Variants in NUMB observed in about 807,000 individuals in gnomAD.
The protein encoded by NUMB is protein numb homolog.
In NUMB, 29 loss-of-function variants were observed where a neutral mutation model predicts 59.7. The ratio of observed to expected loss-of-function variants is 0.49; its 90% confidence interval spans 0.36 to 0.66. The LOEUF (loss-of-function observed/expected upper bound fraction) is 0.66. Ranked by LOEUF, NUMB falls within the 30% of genes least tolerant of loss-of-function variation. The probability of loss-of-function intolerance (pLI) is 0.00; values close to 1 mark genes in which losing one functional copy is unlikely to be tolerated. For missense variants in NUMB, 723 were observed against 822.0 expected (o/e 0.88, Z 1.47); for synonymous variants, 288 against 288.2 (o/e 1.00, Z 0.01).
In NUMB at chr14:73,287,237, A is replaced by G; in HGVS notation, c.528T>C (p.Cys176=). 6.2e-7 allele frequency: 1 copy of G among 1,613,730 alleles called. No homozygotes were observed. The change falls in exon 9 of 13, where the codon TGT becomes TGC. Residue 176 remains cysteine (C), a synonymous_variant. Coordinates refer to ENST00000555238, the MANE Select transcript of NUMB (RefSeq NM_001005743.2). The part of the protein sequence containing the change: ...LERKQKREKE[C]GVTATFDASR... ...TAGCATCAAAAGTAGCAGTCACTCC[A>G]CATTCCTTCTCCCGCTTCTGCTTGC...
intron 2 of NUMB, among the ~76,000 whole-genome samples, chr14:73,386,779 T>G (rs980253381): frequency 6.6e-6 from 1 of 151,890 alleles, no homozygotes; most frequent in African/African-American, 2.4e-5. Flanking sequence ...TGCTGAGAAT[T>G]TGATGTATTG....
chr14:73,425,661 A>C (rs947480345), intron 1 of NUMB, among the ~76,000 whole-genome samples: 1 of 152,246 alleles, frequency 6.6e-6, no homozygotes, highest in Non-Finnish European at 1.5e-5. Flanking sequence ...TCACTTGAAA[A>C]TATAATAACT....
intron 1 of NUMB, among the ~76,000 whole-genome samples, chr14:73,421,518 G>A (rs961682737): frequency 6.6e-6 from 1 of 152,024 alleles, no homozygotes; most frequent in Admixed American, 6.6e-5. Context: ...ATATGCAAAT[G>A]CTCAGGTATA....
At chr14:73,394,750 A>G (rs987143465) in intron 2 of NUMB, among the ~76,000 whole-genome samples, 4 of 152,124 alleles carry the variant, frequency 2.6e-5, no homozygotes, top group African/African-American at 9.7e-5. Context: ...TTGACTTTTC[A>G]AGACTCCACT....
At chr14:73,453,293 C>T (rs949016614) in intron 1 of NUMB, among the ~76,000 whole-genome samples, 8 of 151,704 alleles carry the variant, frequency 5.3e-5, no homozygotes, top group Admixed American at 2.6e-4. Flanking sequence ...CCACCACGCC[C>T]GGCTAATTTT....
chr14:73,283,422 T>TAGAGAG, intron 10 of NUMB, among the ~76,000 whole-genome samples: 1 of 152,136 alleles, frequency 6.6e-6, no homozygotes, highest in Non-Finnish European at 1.5e-5. Flanking sequence ...GGAAGTAAAA[T>TAGAGAG]AGAGCCCAAC....
chr14:73,317,236 T>C (rs1891132816), intron 5 of NUMB, among the ~76,000 whole-genome samples: 2 of 152,244 alleles, frequency 1.3e-5, no homozygotes, highest in Admixed American at 6.5e-5. Flanking sequence ...GGGCCACAAC[T>C]GAAATTTAAG....
At chr14:73,299,623 A>ATATGACATATCTATGTCATATC (rs1236571176) in intron 6 of NUMB, among the ~76,000 whole-genome samples, 4 of 151,260 alleles carry the variant, frequency 2.6e-5, no homozygotes, top group Non-Finnish European at 4.4e-5. Context: ...TATGTCATAT[A>ATATGACATATCTATGTCATATC]ATATGACATA....
chr14:73,351,185 A>G (rs1332269627), intron 4 of NUMB, among the ~76,000 whole-genome samples: 2 of 152,196 alleles, frequency 1.3e-5, no homozygotes, highest in Non-Finnish European at 2.9e-5. Flanking sequence ...TTTAAAATAA[A>G]TAAGATGGCC....
At chr14:73,446,604 CAA>C (rs1281721972) in intron 1 of NUMB, among the ~76,000 whole-genome samples, 62 of 97,566 alleles carry the variant, frequency 6.4e-4, no homozygotes, top group African/African-American at 7.8e-4. Context: ...GACTTTGTCT[CAA>C]AAAAAAAAAA....
chr14:73,286,405 A>G (rs957305058), intron 9 of NUMB: 1 of 152,098 alleles, frequency 6.6e-6, no homozygotes. Context: ...TTTTAACCCT[A>G]CTTATATACA....
At position 73,358,730 on chromosome 14, in the gene NUMB, C is replaced by A. The variant is rs61588027; in HGVS notation, c.-15-2964G>T. Among the ~76,000 whole-genome samples, 1,078 of 150,234 alleles carry A rather than the reference C, an allele frequency of 7.2e-3. 16 individuals carry two copies. The highest frequency in any genetic ancestry group is 0.025 in the African/African-American group (1,033 of 40,800). On this transcript the variant is annotated intron_variant, in intron 3 of 12. Transcript: ENST00000555238. ...GTATGCATCAACCTTATAGTAATTTCCTATTTCCTTAATGGTTGACTGTAT... is the reference window on the plus strand; with the variant it reads ...GTATGCATCAACCTTATAGTAATTTACTATTTCCTTAATGGTTGACTGTAT...
rs8012750 is a variant in NUMB at position 73,375,250 on chromosome 14, T to A, written c.-100-8269A>T. 6.8e-3 allele frequency among the ~76,000 whole-genome samples: 1,035 copies of A among 152,332 alleles called. 5 individuals are homozygous for A. Among genetic ancestry groups the A allele is most frequent in the South Asian group, 0.029 (141 of 4,822 alleles). ...GTTTGCACCCAAGTACAGAATTTTA[T>A]AATAATCACAGATAACATTTCATCG... On this transcript the variant is annotated intron_variant, in intron 2 of 12. Coordinates refer to ENST00000555238, the MANE Select transcript of NUMB (RefSeq NM_001005743.2).
Position 73,331,905 on chromosome 14 carries a change from A to G in NUMB, c.127-8701T>C, listed in dbSNP as rs1892001271. Among the ~76,000 whole-genome samples the G allele has an allele frequency of 2.0e-5, 3 of 152,150 alleles. No individual in the cohort carries two copies. In the South Asian group the frequency reaches 6.2e-4, roughly 32 times the overall value. The stretch of plus-strand genomic sequence containing the variant: ...CTTTATAAATTACCCAGTCTTGGGT[A>G]TTTCTTCATAGCAGCATGAGAACAA... On this transcript the variant is annotated intron_variant, in intron 4 of 12. Transcript: ENST00000555238.
At chr14:73,301,137 T>C (rs1256606806) in intron 6 of NUMB, among the ~76,000 whole-genome samples, 8 of 152,210 alleles carry the variant, frequency 5.3e-5, no homozygotes, top group African/African-American at 1.9e-4. Flanking sequence ...GTTCAAGAAA[T>C]ATTTGTTGAA....
At position 73,282,167 on chromosome 14, in the gene NUMB, C is replaced by T. The variant is rs551785131; in HGVS notation, c.1096+192G>A. On this transcript the variant is annotated intron_variant, in intron 11 of 12. Coordinates refer to ENST00000555238, the MANE Select transcript of NUMB (RefSeq NM_001005743.2). ...GCACATGCAGAATGACAAACACAGACATCTTAGAAAACAGGAAGGGCACAA... is the reference window on the plus strand; with the variant it reads ...GCACATGCAGAATGACAAACACAGATATCTTAGAAAACAGGAAGGGCACAA... The T allele has an allele frequency of 3.3e-5, 17 of 509,354 alleles. No homozygotes were observed. The South Asian group carries it at 5.6e-4, about 17-fold the overall frequency. 31.6% of individuals were successfully genotyped at this position (509,354 alleles called of 1,614,324 possible).
At chr14:73,404,216 T>C (rs946940768) in intron 2 of NUMB, among the ~76,000 whole-genome samples, 1 of 151,678 alleles carries the variant, frequency 6.6e-6, no homozygotes, top group Non-Finnish European at 1.5e-5. Flanking sequence ...AACTCCAGTC[T>C]TGGTGACAAA....
At chr14:73,449,783 G>A (rs1883798592) in intron 1 of NUMB, among the ~76,000 whole-genome samples, 1 of 152,192 alleles carries the variant, frequency 6.6e-6, no homozygotes, top group Non-Finnish European at 1.5e-5. Context: ...TGCCTCCCAA[G>A]TTCAAGCAAT....
chr14:73,320,950 C>G (rs1484161754), intron 5 of NUMB, among the ~76,000 whole-genome samples: 1 of 150,662 alleles, frequency 6.6e-6, no homozygotes, highest in Admixed American at 6.6e-5. Flanking sequence ...GTGGCTATCT[C>G]TGGGGTTGTA....
Sources: allele counts gnomAD v4.1 joint callset (sites outside exome capture counted in the v4.1 genomes callset), GRCh38; gene constraint gnomAD v4.1.1; transcripts MANE v1.5; gene names NCBI Gene and HGNC (gene_info 2026-07-23, HGNC 2026-07-21).